Variants in NEK11 observed in about 807,000 individuals in gnomAD.
NEK11 encodes the protein NIMA related kinase 11.
In NEK11, 72 loss-of-function variants were observed where a neutral mutation model predicts 80.7. That is an observed-to-expected ratio of 0.89 (90% CI 0.74 to 1.08). The LOEUF (loss-of-function observed/expected upper bound fraction) is 1.08, where lower values mean the gene tolerates loss of function less well. NEK11 is among the 50% of genes least tolerant of loss of function. The pLI is 0.00. For synonymous variants in NEK11, 251 were observed against 260.7 expected, an observed-to-expected ratio of 0.96 and a Z score of 0.36; for missense variants, 764 against 763.6, an observed-to-expected ratio of 1.00 and a Z score of -0.01.
intron 16 of NEK11, among the ~76,000 whole-genome samples, chr3:131,252,250 T>G (rs1418869842): frequency 1.3e-5 from 2 of 152,158 alleles, no homozygotes; most frequent in African/African-American, 2.4e-5. Context: ...TTACTCATGC[T>G]CATTATCTGC....
chr3:131,100,866 G>A (rs950516292), intron 4 of NEK11, among the ~76,000 whole-genome samples: 1 of 152,062 alleles, frequency 6.6e-6, no homozygotes, highest in Admixed American at 6.6e-5. Context: ...AATCCATCTG[G>A]TGCAGGACTT....
intron 14 of NEK11, among the ~76,000 whole-genome samples, chr3:131,211,798 TG>T (rs1357500440): frequency 1.3e-5 from 2 of 152,206 alleles, no homozygotes; most frequent in African/African-American, 4.8e-5. Context: ...GTAGTTCTTG[TG>T]CCATGGTTTT....
chr3:131,038,870 A>G (rs535857121), intron 3 of NEK11, among the ~76,000 whole-genome samples: 1 of 152,326 alleles, frequency 6.6e-6, no homozygotes, highest in South Asian at 2.1e-4. Flanking sequence ...ATTTGTGAGT[A>G]GGGAAGCTAA....
intron 17 of NEK11, among the ~76,000 whole-genome samples, chr3:131,331,507 G>C (rs1390986234): frequency 6.6e-6 from 1 of 152,188 alleles, no homozygotes; most frequent in Non-Finnish European, 1.5e-5. Flanking sequence ...GAACAGCTCT[G>C]GTCTACACCT....
intron 16 of NEK11, among the ~76,000 whole-genome samples, chr3:131,245,482 G>A (rs924528172): frequency 6.6e-6 from 1 of 152,098 alleles, no homozygotes; most frequent in African/African-American, 2.4e-5. Context: ...TAGTGGGATT[G>A]CTAGATTGAA....
chr3:131,181,422 T>C (rs2093333844), intron 14 of NEK11, among the ~76,000 whole-genome samples: 1 of 152,200 alleles, frequency 6.6e-6, no homozygotes, highest in Non-Finnish European at 1.5e-5. Flanking sequence ...GTGAGATCCA[T>C]GTCAGACTTC....
chr3:131,197,430 A>G (rs1172569985), intron 14 of NEK11, among the ~76,000 whole-genome samples: 1 of 152,168 alleles, frequency 6.6e-6, no homozygotes, highest in Non-Finnish European at 1.5e-5. Flanking sequence ...AACAATTTGT[A>G]GTTTTAGAGC....
chr3:131,271,048 A>G (rs550028526), intron 16 of NEK11, among the ~76,000 whole-genome samples: 7 of 152,284 alleles, frequency 4.6e-5, no homozygotes, highest in African/African-American at 1.7e-4. Flanking sequence ...CCACTCCCCA[A>G]GCTTCCTGGG....
intron 17 of NEK11, among the ~76,000 whole-genome samples, chr3:131,302,402 G>A (rs2096671480): frequency 6.6e-6 from 1 of 151,970 alleles, no homozygotes; most frequent in African/African-American, 2.4e-5. Context: ...CAGCTTTGGG[G>A]TTGGTTTGCC....
chr3:131,134,365 T>C (rs1230973868), intron 7 of NEK11: 1 of 153,122 alleles, frequency 6.5e-6, no homozygotes, highest in African/African-American at 2.4e-5. Flanking sequence ...TTTTGTTACT[T>C]TTAAGAATTT....
intron 4 of NEK11, among the ~76,000 whole-genome samples, chr3:131,100,444 A>AATTAGCTGG (rs2078197614): frequency 6.6e-6 from 1 of 152,014 alleles, no homozygotes; most frequent in Admixed American, 6.6e-5. Flanking sequence ...AAATATAAAA[A>AATTAGCTGG]ATTAGCTGGT....
At chr3:131,321,105 T>C (rs1258014333) in intron 17 of NEK11, among the ~76,000 whole-genome samples, 1 of 152,176 alleles carries the variant, frequency 6.6e-6, no homozygotes, top group Non-Finnish European at 1.5e-5. Context: ...CAAACTGTAC[T>C]ATAAGGCTAC....
chr3:131,195,867 A>C (rs1210328402), intron 14 of NEK11, among the ~76,000 whole-genome samples: 2 of 147,634 alleles, frequency 1.4e-5, no homozygotes, highest in Non-Finnish European at 3.0e-5. Flanking sequence ...AAGTTTCATA[A>C]GTGTAGGAGC....
intron 3 of NEK11, among the ~76,000 whole-genome samples, chr3:131,050,798 G>A (rs1343390070): frequency 6.6e-6 from 1 of 152,170 alleles, no homozygotes; most frequent in Non-Finnish European, 1.5e-5. Context: ...GGAGGCTGAG[G>A]CAGGAGGATC....
chr3:131,029,617 T>G lies in NEK11; in HGVS notation c.-92T>G. 8.0e-7 allele frequency: 1 copy of G among 1,253,122 alleles called. No individual in the cohort carries two copies. The highest frequency in any genetic ancestry group is 1.9e-4 in the Middle Eastern group (1 of 5,154). The allele number at this position is 1,253,122 out of a possible 1,614,324, so 77.6% of individuals were successfully genotyped here. ...TTTTAACTTTTCATCTTTAAGGAAC[T>G]GACCAACACTGGATGAATTTGACCA... On this transcript the variant is annotated 5_prime_UTR_variant, in exon 3 of 18. Coordinates refer to ENST00000383366, the MANE Select transcript of NEK11 (RefSeq NM_024800.5).
intron 17 of NEK11, chr3:131,325,288 G>T (rs1203894633): frequency 7.7e-6 from 1 of 129,544 alleles, no homozygotes; most frequent in Non-Finnish European, 1.6e-5. Context: ...GCAAAAACAA[G>T]AAATAACTTA....
chr3:131,300,034 G>A (rs867427425), intron 17 of NEK11, among the ~76,000 whole-genome samples: 14 of 152,140 alleles, frequency 9.2e-5, no homozygotes, highest in Non-Finnish European at 1.5e-4. Flanking sequence ...ATCATCTTCA[G>A]CATCTGTTAT....
At chr3:131,287,494 G>A (rs375469398) in intron 17 of NEK11, among the ~76,000 whole-genome samples, 4 of 152,098 alleles carry the variant, frequency 2.6e-5, no homozygotes, top group Admixed American at 6.5e-5. Flanking sequence ...GGCTGGTCTC[G>A]AACTCCTGAC....
At chr3:131,112,420 G>C (rs2080284628) in intron 5 of NEK11, among the ~76,000 whole-genome samples, 1 of 152,080 alleles carries the variant, frequency 6.6e-6, no homozygotes, top group African/African-American at 2.4e-5. Context: ...TCTTGCAAAG[G>C]GGTTTTGCCT....
Sources: gnomAD v4.1 joint callset for allele counts (sites outside exome capture counted in the v4.1 genomes callset) on GRCh38, gnomAD v4.1.1 for gene constraint, MANE v1.5 for transcripts, NCBI Gene and HGNC (gene_info 2026-07-23, HGNC 2026-07-21) for gene names.